KAZN: variants seen among roughly 807,000 people sequenced by gnomAD.
The protein encoded by KAZN is kazrin.
A neutral mutation model predicts 87.4 loss-of-function variants in KAZN; 40 were observed. That is an observed-to-expected ratio of 0.46 (90% CI 0.36 to 0.60). KAZN has a LOEUF of 0.60. Among genes scored for constraint, KAZN ranks in the 20% least tolerant of loss-of-function variants. The probability of loss-of-function intolerance (pLI) is 0.00; values close to 1 mark genes in which losing one functional copy is unlikely to be tolerated. For synonymous variants in KAZN, 466 were observed against 458.3 expected (o/e 1.02, Z -0.22); for missense variants, 898 against 1,073.9 (o/e 0.84, Z 2.29).
At chr1:14,752,382 T>C (rs1644436715) in intron 1 of KAZN, among the ~76,000 whole-genome samples, 2 of 152,166 alleles carry the variant, frequency 1.3e-5, no homozygotes, top group Admixed American at 1.3e-4. Context: ...AACTGACTTG[T>C]CTAAGTGAAG....
At chr1:14,132,646 T>C (rs2187942) in intron 1 of KAZN, among the ~76,000 whole-genome samples, 86,900 of 152,094 alleles carry the variant, frequency 0.57, 26,081 homozygotes, top group East Asian at 0.76. Flanking sequence ...AAGCATTCAC[T>C]ATACCACTGT....
chr1:14,714,939 C>T (rs746698642), intron 1 of KAZN, among the ~76,000 whole-genome samples: 7 of 151,730 alleles, frequency 4.6e-5, no homozygotes, highest in African/African-American at 7.3e-5. Context: ...GAACTATAGG[C>T]ACACACCATC....
intron 1 of KAZN, among the ~76,000 whole-genome samples, chr1:14,066,846 C>T (rs1643028208): frequency 1.3e-5 from 2 of 152,216 alleles, no homozygotes; most frequent in South Asian, 4.1e-4. Context: ...CAGTGGAGAA[C>T]CTGTATCCAT....
intron 1 of KAZN, among the ~76,000 whole-genome samples, chr1:13,999,898 A>G (rs1378499563): frequency 1.3e-5 from 2 of 152,240 alleles, no homozygotes; most frequent in Non-Finnish European, 2.9e-5. Context: ...ACAAACTAGC[A>G]TCAGAGAATA....
intron 1 of KAZN, among the ~76,000 whole-genome samples, chr1:14,801,462 TG>T (rs1283330070): frequency 1.3e-5 from 2 of 151,968 alleles, no homozygotes; most frequent in African/African-American, 4.8e-5. Flanking sequence ...CGCAGGCTCT[TG>T]GGGCTCTCCT....
intron 1 of KAZN, among the ~76,000 whole-genome samples, chr1:13,992,856 T>C (rs57808130): frequency 0.15 from 22,104 of 152,124 alleles, 1,715 homozygotes; most frequent in Middle Eastern, 0.2. Context: ...ATTGGCCAAA[T>C]GTGGTTCCCC....
At chr1:14,981,243 C>T (rs949718576) in intron 2 of KAZN, among the ~76,000 whole-genome samples, 4 of 152,228 alleles carry the variant, frequency 2.6e-5, no homozygotes, top group Non-Finnish European at 2.9e-5. Context: ...GGGTTTCTCG[C>T]TTTTTGCTGT....
intron 2 of KAZN, among the ~76,000 whole-genome samples, chr1:14,306,264 C>T (rs1654921342): frequency 6.6e-6 from 1 of 152,134 alleles, no homozygotes; most frequent in South Asian, 2.1e-4. Context: ...GCAATTGCTC[C>T]CCTGATGTGC....
chr1:14,986,002 CAAAAAA>C (rs56725513), intron 2 of KAZN, among the ~76,000 whole-genome samples: 7 of 56,740 alleles, frequency 1.2e-4, no homozygotes, highest in South Asian at 7.5e-4. Flanking sequence ...GACTCTGTCT[CAAAAAA>C]AAAAAAAAAA....
In KAZN at chr1:14,389,422, A is replaced by G. The variant is rs557993397; in HGVS notation, c.249+208830A>G. The stretch of plus-strand genomic sequence containing the variant: ...GCACTCCGGTGTTTGTTGCAGATCT[A>G]GTCACAATAGTCAAGGTTTGGAGGC... On this transcript the variant is annotated intron_variant, in intron 2 of 16. Transcript: ENST00000636203. Among the ~76,000 whole-genome samples the G allele has an allele frequency of 2.5e-3, 374 of 152,348 alleles. 2 individuals carry two copies. Among genetic ancestry groups the G allele is most frequent in the African/African-American group, 8.7e-3 (362 of 41,574 alleles).
intron 2 of KAZN, among the ~76,000 whole-genome samples, chr1:14,286,267 C>G (rs963674632): frequency 1.3e-5 from 2 of 152,238 alleles, no homozygotes; most frequent in African/African-American, 4.8e-5. Flanking sequence ...TGTGTTTCTG[C>G]ATTCTTATCT....
intron 2 of KAZN, among the ~76,000 whole-genome samples, chr1:14,433,260 C>A (rs72870876): frequency 0.046 from 7,018 of 152,268 alleles, 225 homozygotes; most frequent in African/African-American, 0.092. Context: ...CACCCACCCC[C>A]CACAGAGACA....
intron 2 of KAZN, among the ~76,000 whole-genome samples, chr1:14,299,152 T>C (rs1032329035): frequency 2.0e-5 from 3 of 152,180 alleles, no homozygotes; most frequent in African/African-American, 7.2e-5. Flanking sequence ...ACATGATTCC[T>C]ACTCTCATGG....
chr1:14,419,522 G>A (rs1217854266), intron 2 of KAZN, among the ~76,000 whole-genome samples: 1 of 152,192 alleles, frequency 6.6e-6, no homozygotes, highest in East Asian at 1.9e-4. Context: ...CCCTCTGTGT[G>A]GGGAAGTGTC....
chr1:13,945,199 C>T (rs1487428110), intron 1 of KAZN, among the ~76,000 whole-genome samples: 2 of 152,148 alleles, frequency 1.3e-5, no homozygotes, highest in Non-Finnish European at 2.9e-5. Flanking sequence ...GCAGGCTGGG[C>T]GTGGTGGCTC....
intron 1 of KAZN, among the ~76,000 whole-genome samples, chr1:14,026,198 T>C (rs993366796): frequency 6.6e-6 from 1 of 152,210 alleles, no homozygotes. Flanking sequence ...TATTATTTCA[T>C]TTAATCCTCC....
At chr1:14,061,632 T>C (rs2101518994) in intron 1 of KAZN, among the ~76,000 whole-genome samples, 1 of 152,322 alleles carries the variant, frequency 6.6e-6, no homozygotes, top group East Asian at 1.9e-4. Context: ...TGTGTTCCTG[T>C]CCATCTTCCC....
chr1:14,617,208 T>C lies in KAZN; in HGVS notation c.226+17985T>C, dbSNP rs187266368. On this transcript the variant is annotated intron_variant, in intron 1 of 14. Coordinates refer to ENST00000376030, the MANE Select transcript of KAZN (RefSeq NM_201628.3). Reference sequence around the variant, plus strand: ...CTATGATACAGGCATATTTCAGAGATATTGCAGGTTCCATTCCAGACTACC... The same window carrying C: ...CTATGATACAGGCATATTTCAGAGACATTGCAGGTTCCATTCCAGACTACC... Among the ~76,000 whole-genome samples, 287 of 152,308 alleles carry C rather than the reference T, an allele frequency of 1.9e-3. 1 individual carries two copies. The highest frequency in any genetic ancestry group is 5.7e-3 in the African/African-American group (238 of 41,570).
intron 2 of KAZN, among the ~76,000 whole-genome samples, chr1:14,970,925 CA>C (rs1664958734): frequency 2.0e-5 from 3 of 152,182 alleles, no homozygotes; most frequent in Non-Finnish European, 4.4e-5. Context: ...TGTGAACACA[CA>C]CTGCATCACT....
Sources: gnomAD v4.1 joint callset for allele counts (sites outside exome capture counted in the v4.1 genomes callset) on GRCh38, gnomAD v4.1.1 for gene constraint, MANE v1.5 for transcripts, NCBI Gene and HGNC (gene_info 2026-07-23, HGNC 2026-07-21) for gene names.